SPEF2: variants seen among roughly 807,000 people sequenced by gnomAD.
SPEF2 encodes the protein sperm flagella and cilia-associated protein 2.
Under a neutral mutation model 224.6 loss-of-function variants are expected in SPEF2, and 187 were observed. That is an observed-to-expected ratio of 0.83 (90% CI 0.74 to 0.94). SPEF2 has a LOEUF of 0.94. SPEF2 is among the 40% of genes least tolerant of loss of function. The probability of loss-of-function intolerance (pLI) is 0.00; values close to 1 mark genes in which losing one functional copy is unlikely to be tolerated. For synonymous variants in SPEF2, 715 were observed against 707.3 expected, an observed-to-expected ratio of 1.01 and a Z score of -0.17; for missense variants, 2,170 against 2,135.6, an observed-to-expected ratio of 1.02 and a Z score of -0.32.
At chr5:35,730,823 A>T (rs1046724830) in intron 21 of SPEF2, among the ~76,000 whole-genome samples, 1 of 152,198 alleles carries the variant, frequency 6.6e-6, no homozygotes, top group African/African-American at 2.4e-5. Flanking sequence ...ATTGGCCTCT[A>T]AACAGGAATA....
chr5:35,737,205 GTC>G (rs1263635848), intron 21 of SPEF2, among the ~76,000 whole-genome samples: 3 of 151,748 alleles, frequency 2.0e-5, no homozygotes, highest in Non-Finnish European at 2.9e-5. Context: ...CTTTCACCTT[GTC>G]TCTCTTATGA....
rs950555043 is a variant in SPEF2 at position 35,656,890 on chromosome 5, G to A, written c.979-2129G>A. Reference sequence around the variant, plus strand: ...TGCTATTCCTAGAACCAGGCCTGAAGCATATGCTGCATTCCCTCCATTCCT... The same window carrying A: ...TGCTATTCCTAGAACCAGGCCTGAAACATATGCTGCATTCCCTCCATTCCT... On this transcript the variant is annotated intron_variant, in intron 7 of 36. Transcript: ENST00000356031. Among the ~76,000 whole-genome samples the A allele has an allele frequency of 3.9e-5, 6 of 152,288 alleles. 1 individual carries two copies.
chr5:35,706,434 A>T (rs9292604), intron 18 of SPEF2, among the ~76,000 whole-genome samples: 2 of 151,762 alleles, frequency 1.3e-5, no homozygotes, highest in Non-Finnish European at 2.9e-5. Flanking sequence ...AACTTTTTAT[A>T]CTATTATTGA....
intron 20 of SPEF2, among the ~76,000 whole-genome samples, chr5:35,717,121 A>G (rs1046239978): frequency 2.0e-5 from 3 of 152,242 alleles, no homozygotes; most frequent in African/African-American, 7.2e-5. Flanking sequence ...CCAAATTTAG[A>G]AAGTTTTCAA....
intron 20 of SPEF2, among the ~76,000 whole-genome samples, chr5:35,717,732 G>A (rs1286615453): frequency 6.6e-6 from 1 of 152,116 alleles, no homozygotes; most frequent in Non-Finnish European, 1.5e-5. Context: ...CCTCCCCACC[G>A]CAAATGATGT....
chr5:35,764,082 T>C (rs1347503601), intron 26 of SPEF2, among the ~76,000 whole-genome samples: 2 of 152,306 alleles, frequency 1.3e-5, no homozygotes, highest in East Asian at 1.9e-4. Flanking sequence ...AGGTCTGGCA[T>C]GGCCAGATTT....
At chr5:35,645,800 G>A (rs1340246533) in intron 4 of SPEF2, among the ~76,000 whole-genome samples, 4 of 152,044 alleles carry the variant, frequency 2.6e-5, no homozygotes, top group Admixed American at 2.0e-4. Flanking sequence ...GGAAGACTCT[G>A]TGTCTTCCTG....
chr5:35,763,175 T>C (rs1751574072), intron 25 of SPEF2, among the ~76,000 whole-genome samples: 1 of 152,196 alleles, frequency 6.6e-6, no homozygotes, highest in East Asian at 1.9e-4. Flanking sequence ...ACTGACTTTT[T>C]TATTATCCTT....
intron 27 of SPEF2, among the ~76,000 whole-genome samples, chr5:35,772,734 G>A (rs925806159): frequency 1.3e-5 from 2 of 152,136 alleles, no homozygotes; most frequent in South Asian, 4.1e-4. Context: ...TGCTTCTGTT[G>A]ACTTTAATGG....
chr5:35,741,259 C>A (rs1747588004), intron 23 of SPEF2, among the ~76,000 whole-genome samples: 2 of 152,138 alleles, frequency 1.3e-5, no homozygotes, highest in African/African-American at 4.8e-5. Flanking sequence ...GTTGGATGTA[C>A]CATTTTGTAA....
At chr5:35,770,024 CAT>C (rs1491537342) in intron 26 of SPEF2, among the ~76,000 whole-genome samples, 11 of 102,760 alleles carry the variant, frequency 1.1e-4, no homozygotes, top group Admixed American at 2.1e-4. Flanking sequence ...TGTGTGTGTG[CAT>C]GTGCGTGTGT....
At chr5:35,813,679 C>T (rs1758672027) in intron 36 of SPEF2, among the ~76,000 whole-genome samples, 1 of 152,072 alleles carries the variant, frequency 6.6e-6, no homozygotes, top group African/African-American at 2.4e-5. Flanking sequence ...CTGATAGAAG[C>T]AGTGCATATG....
At chr5:35,689,949 A>G (rs538150476) in intron 10 of SPEF2, among the ~76,000 whole-genome samples, 15 of 152,328 alleles carry the variant, frequency 9.8e-5, no homozygotes, top group African/African-American at 3.4e-4. Context: ...AATTTTATCA[A>G]TAAAGAGTAT....
rs946864663 is a variant in SPEF2, at chr5:35,788,217, TGAGCAAAGTAACCCTCG to T, written c.4448-4121_4448-4105del. The T allele has an allele frequency of 3.4e-5, 24 of 702,880 alleles. No homozygotes were observed. The Admixed American group carries it at 4.6e-4, about 13-fold the overall frequency. 43.5% of individuals were successfully genotyped at this position (702,880 alleles called of 1,614,324 possible). On this transcript the variant is annotated intron_variant, in intron 30 of 36. Coordinates refer to ENST00000356031, the MANE Select transcript of SPEF2 (RefSeq NM_024867.4). ...ACCACCAAACTAATGATGAGGACCA[TGAGCAAAGTAACCCTCG>T]GGAGAGTAGAGAACTTATTCAGATC...
chr5:35,771,376 G>C (rs1345136798), intron 26 of SPEF2, among the ~76,000 whole-genome samples: 1 of 152,128 alleles, frequency 6.6e-6, no homozygotes. Flanking sequence ...GGTGGGGCTT[G>C]AGAAAGCGAG....
In SPEF2 at chr5:35,773,683, T is replaced by A. The variant is rs578131615; in HGVS notation, c.3950-210T>A. ...ATACTACACAAATGGGGCGTTTTTA[T>A]ATGAGTCCAGCCCAGGAACCATACA... is the stretch of plus-strand genomic sequence containing the variant. On this transcript the variant is annotated intron_variant, in intron 27 of 36. Transcript: ENST00000356031. Among the ~76,000 whole-genome samples the A allele has an allele frequency of 3.9e-5, 6 of 152,322 alleles. No homozygotes were observed. In the South Asian group the frequency reaches 1.2e-3, roughly 32 times the overall value.
chr5:35,711,646 G>A (rs13182061), intron 19 of SPEF2, among the ~76,000 whole-genome samples: 2 of 143,226 alleles, frequency 1.4e-5, no homozygotes, highest in African/African-American at 2.6e-5. Context: ...ATCATCCCCC[G>A]TCTTTCTTCC....
At chr5:35,755,322 A>G (rs1025164247) in intron 24 of SPEF2, among the ~76,000 whole-genome samples, 71 of 152,354 alleles carry the variant, frequency 4.7e-4, no homozygotes, top group African/African-American at 1.7e-3. Flanking sequence ...TATTATAAAC[A>G]GTCGTGTCAA....
At chr5:35,792,296 C>A in intron 30 of SPEF2, 44 bp from the exon 31 acceptor site, 2 of 1,485,478 alleles carry the variant, frequency 1.3e-6, no homozygotes, top group East Asian at 2.3e-5. Context: ...AGAGAAAAAC[C>A]ATCACCTAAA....
Sources: gnomAD v4.1 joint callset for allele counts (sites outside exome capture counted in the v4.1 genomes callset) on GRCh38, gnomAD v4.1.1 for gene constraint, MANE v1.5 for transcripts, NCBI Gene and HGNC (gene_info 2026-07-23, HGNC 2026-07-21) for gene names.